Variants in BNC2 observed in about 807,000 individuals in gnomAD.
BNC2 encodes the protein zinc finger protein basonuclin-2.
A neutral mutation model predicts 76.3 loss-of-function variants in BNC2; 20 were observed. The ratio of observed to expected loss-of-function variants is 0.26; its 90% CI spans 0.18 to 0.38. The LOEUF (loss-of-function observed/expected upper bound fraction) is 0.38. Ranked by LOEUF, BNC2 falls within the 10% of genes least tolerant of loss-of-function variation. The probability of loss-of-function intolerance (pLI) is 1.00; values close to 1 mark genes in which losing one functional copy is unlikely to be tolerated. For missense variants in BNC2, 1,382 were observed against 1,399.8 expected (o/e 0.99, Z 0.20); for synonymous variants, 582 against 514.8 (o/e 1.13, Z -1.77).
chr9:16,436,165 G>A lies in BNC2; in HGVS notation c.2029C>T (p.His677Tyr). Residue 677 changes from histidine (H) to tyrosine (Y), a missense_variant, in exon 6 of 7, where the codon CAC becomes TAC. By Grantham distance (83) the His-to-Tyr change is moderately conservative. This residue lies in a region of BNC2 where 798 missense variants were observed against 775.5 expected (regional missense o/e 1.03). Coordinates refer to ENST00000380672, the MANE Select transcript of BNC2 (RefSeq NM_017637.6). ...VNDMSHDNHC[H>Y]SQEEMSPGMS... ...CCTGGGCTCATCTCCTCTTGGGAGT[G>A]ACAATGATTGTCATGGCTCATGTCA... The A allele has an allele frequency of 1.2e-6, 2 of 1,614,146 alleles. No individual in the cohort carries two copies. The highest frequency in any genetic ancestry group is 1.7e-6 in the Non-Finnish European group (2 of 1,180,034).
At chr9:16,842,565 G>A (rs1818859584) in intron 1 of BNC2, among the ~76,000 whole-genome samples, 1 of 152,114 alleles carries the variant, frequency 6.6e-6, no homozygotes, top group Non-Finnish European at 1.5e-5. Flanking sequence ...AGTGTTGATG[G>A]TTCCACAGCC....
chr9:16,783,455 G>C (rs1284098739), intron 1 of BNC2, among the ~76,000 whole-genome samples: 1 of 152,142 alleles, frequency 6.6e-6, no homozygotes. Context: ...AAATCACAAT[G>C]GTTTATGCTT....
intron 5 of BNC2, among the ~76,000 whole-genome samples, chr9:16,458,634 C>A (rs1821506726): frequency 6.6e-6 from 1 of 152,212 alleles, no homozygotes; most frequent in East Asian, 1.9e-4. Flanking sequence ...GTACAAAAAA[C>A]ATTTCCTACA....
At chr9:16,530,090 G>A (rs1313354398) in intron 5 of BNC2, among the ~76,000 whole-genome samples, 1 of 152,006 alleles carries the variant, frequency 6.6e-6, no homozygotes, top group African/African-American at 2.4e-5. Context: ...CTGACTTCAA[G>A]TGGTCTGCCT....
chr9:16,695,455 T>C (rs750549687), intron 3 of BNC2, among the ~76,000 whole-genome samples: 3 of 151,942 alleles, frequency 2.0e-5, no homozygotes, highest in Non-Finnish European at 4.4e-5. Context: ...AGCAACCTTC[T>C]AGAAGGGGGA....
At chr9:16,683,571 A>G (rs1376494201) in intron 3 of BNC2, among the ~76,000 whole-genome samples, 2 of 152,212 alleles carry the variant, frequency 1.3e-5, no homozygotes, top group East Asian at 1.9e-4. Context: ...GCTATGCTGA[A>G]CAATAAGAAA....
chr9:16,720,114 T>C (rs1197237986), intron 3 of BNC2, among the ~76,000 whole-genome samples: 3 of 152,214 alleles, frequency 2.0e-5, no homozygotes, highest in Non-Finnish European at 4.4e-5. Context: ...ATCATGCCCT[T>C]ACTCAAAGAA....
At position 16,774,017 on chromosome 9, in the gene BNC2, T is replaced by C. The variant is rs544616466; in HGVS notation, c.4-35532A>G. Among the ~76,000 whole-genome samples, 62 of 152,272 alleles carry C rather than the reference T, an allele frequency of 4.1e-4. 1 individual carries two copies. The highest frequency in any genetic ancestry group is 2.7e-3 in the South Asian group (13 of 4,824). ...TGTTTTTAAAGACACAGTCTCACTCTATTGCCCAGGCTGGAGTACAGCGTC... is the reference window on the plus strand; with the variant it reads ...TGTTTTTAAAGACACAGTCTCACTCCATTGCCCAGGCTGGAGTACAGCGTC... On this transcript the variant is annotated intron_variant, in intron 1 of 6. Transcript: ENST00000380672.
chr9:16,775,664 TG>T, intron 1 of BNC2: 1 of 208,028 alleles, frequency 4.8e-6, no homozygotes, highest in Non-Finnish European at 1.1e-5. Context: ...CAGCCTGGTC[TG>T]CTGGTCCACG....
intron 3 of BNC2, among the ~76,000 whole-genome samples, chr9:16,677,189 A>T (rs1364309917): frequency 6.6e-6 from 1 of 152,192 alleles, no homozygotes; most frequent in African/African-American, 2.4e-5. Context: ...CACAGGCACA[A>T]TCTCCTTCAA....
intron 5 of BNC2, among the ~76,000 whole-genome samples, chr9:16,449,371 T>G (rs1051045943): frequency 2.6e-5 from 4 of 152,126 alleles, no homozygotes; most frequent in African/African-American, 9.7e-5. Flanking sequence ...TATTAATATT[T>G]CCCCCTAGCG....
intron 6 of BNC2, among the ~76,000 whole-genome samples, chr9:16,423,380 G>T (rs1043931087): frequency 2.6e-5 from 4 of 152,174 alleles, no homozygotes; most frequent in Non-Finnish European, 4.4e-5. Flanking sequence ...AAAGTGACTG[G>T]AATGCAGAGA....
intron 5 of BNC2, among the ~76,000 whole-genome samples, chr9:16,517,543 A>G (rs542329716): frequency 6.6e-6 from 1 of 152,138 alleles, no homozygotes; most frequent in Non-Finnish European, 1.5e-5. Flanking sequence ...ATATGCTGTA[A>G]TTTACCTGAC....
chr9:16,746,354 G>A (rs1825003751), intron 1 of BNC2, among the ~76,000 whole-genome samples: 3 of 151,926 alleles, frequency 2.0e-5, no homozygotes, highest in South Asian at 2.1e-4. Context: ...TATTAAACTC[G>A]TTTTTGTTTT....
chr9:16,730,162 A>G (rs1462135046), intron 2 of BNC2, among the ~76,000 whole-genome samples: 1 of 152,190 alleles, frequency 6.6e-6, no homozygotes, highest in Non-Finnish European at 1.5e-5. Context: ...CACCTGCAGT[A>G]ATAGACTCTT....
intron 4 of BNC2, among the ~76,000 whole-genome samples, chr9:16,568,364 C>A (rs2132795459): frequency 6.6e-6 from 1 of 152,200 alleles, no homozygotes; most frequent in East Asian, 1.9e-4. Context: ...AATATTTTTA[C>A]CACTCCTATC....
intron 3 of BNC2, among the ~76,000 whole-genome samples, chr9:16,649,351 G>A (rs1821728936): frequency 1.3e-5 from 2 of 152,196 alleles, no homozygotes; most frequent in Non-Finnish European, 2.9e-5. Context: ...CTTGAGAAGA[G>A]AAGACCTGGA....
At chr9:16,832,693 C>T (rs1242486448) in intron 1 of BNC2, among the ~76,000 whole-genome samples, 1 of 152,032 alleles carries the variant, frequency 6.6e-6, no homozygotes, top group Non-Finnish European at 1.5e-5. Context: ...AAGAGCTGAA[C>T]AAAACCTGAG....
intron 1 of BNC2, among the ~76,000 whole-genome samples, chr9:16,834,664 C>G (rs986773104): frequency 6.6e-6 from 1 of 152,132 alleles, no homozygotes; most frequent in South Asian, 2.1e-4. Flanking sequence ...CTAATAATAC[C>G]GGTCTCCTCA....
Sources: gnomAD v4.1 joint callset for allele counts (sites outside exome capture counted in the v4.1 genomes callset) on GRCh38, gnomAD v4.1.1 for gene constraint, gnomAD v4.1.1 regional missense constraint, MANE v1.5 for transcripts, NCBI Gene and HGNC (gene_info 2026-07-23, HGNC 2026-07-21) for gene names.